Variants in MACF1 observed in about 807,000 individuals in gnomAD.
MACF1 encodes the protein microtubule actin crosslinking factor 1, also known as microtubule-actin cross-linking factor 1.
MACF1 carries 193 observed loss-of-function variants against 854.8 expected under a neutral mutation model. The observed-to-expected ratio is 0.23, with a 90% CI of 0.20 to 0.25. The LOEUF (loss-of-function observed/expected upper bound fraction) is 0.25. Among genes scored for constraint, MACF1 ranks in the 10% least tolerant of loss-of-function variants. The pLI is 1.00. For synonymous variants in MACF1, 3,185 were observed against 3,226.7 expected (o/e 0.99, Z 0.44); for missense variants, 7,722 against 8,929.1 (o/e 0.86, Z 5.45).
At chr1:39,314,405 G>A (rs1047965180) in intron 26 of MACF1, among the ~76,000 whole-genome samples, 2 of 151,016 alleles carry the variant, frequency 1.3e-5, no homozygotes, top group African/African-American at 4.9e-5. Flanking sequence ...GCGAAACTCT[G>A]TCTCAAGAAA....
chr1:39,417,713 ATTTTTTTTTTTTTTTTTTTT>A (rs56799242), intron 58 of MACF1, among the ~76,000 whole-genome samples: 15 of 55,834 alleles, frequency 2.7e-4, no homozygotes, highest in East Asian at 8.6e-4. Flanking sequence ...CACCCAGTTA[ATTTTTTTTTTTTTTTTTTTT>A]TTTTTTTTTT....
chr1:39,166,216 T>A (rs1296260372), intron 2 of MACF1, among the ~76,000 whole-genome samples: 2 of 151,106 alleles, frequency 1.3e-5, no homozygotes, highest in African/African-American at 4.9e-5. Flanking sequence ...TATAGGCGTG[T>A]GCCACCATGC....
Position 39,331,874 on chromosome 1 carries a change from T to C in MACF1, c.5286T>C (p.Thr1762=). 2 of 1,614,194 alleles carry C rather than the reference T, an allele frequency of 1.2e-6. No homozygotes were observed. The change falls in exon 37 of 101, where the codon ACT becomes ACC. Residue 1762 remains threonine, a synonymous_variant. Coordinates refer to ENST00000564288, the MANE Select transcript of MACF1 (RefSeq NM_001394062.1). ...VQEGLIDRQV[T]VRLLEAQLFA... ...AAGGGCTAATAGATAGGCAGGTCAC[T>C]GTCCGGTTGCTGGAAGCTCAGCTTT...
intron 41 of MACF1, among the ~76,000 whole-genome samples, 198 bp downstream of exon 41, chr1:39,347,408 T>G (rs573710740): frequency 6.6e-6 from 1 of 152,252 alleles, no homozygotes; most frequent in African/African-American, 2.4e-5. Flanking sequence ...TCTTTGGTTT[T>G]ATGTATGTGT....
At position 39,332,826 on chromosome 1, in the gene MACF1, G is replaced by A; in HGVS notation, c.6238G>A (p.Asp2080Asn). Residue 2080 changes from aspartate (D) to asparagine (N), a missense_variant, in exon 37 of 101, where the codon GAT becomes AAT. Asp to Asn is a conservative substitution (Grantham distance 23). Coordinates refer to ENST00000564288, the MANE Select transcript of MACF1 (RefSeq NM_001394062.1). ...EDSSVENPEQ[D>N]LFVEQKERNP... ...TTCTTCTGTAGAGAACCCTGAACAG[G>A]ATCTGTTTGTAGAACAAAAAGAGAG... 1.2e-6 allele frequency: 2 copies of A among 1,614,046 alleles called. No homozygotes were observed. The highest frequency in any genetic ancestry group is 1.1e-5 in the South Asian group (1 of 91,068).
chr1:39,105,368 G>T lies in MACF1; in HGVS notation c.220+20930G>T. On this transcript the variant is annotated intron_variant, in intron 2 of 93. Transcript: ENST00000361689. This position sits in a 1 kb window ranked among gnomAD's most constrained non-coding sequence, Gnocchi z 5.9. Reference sequence around the variant, plus strand: ...TGCAGCCGCGCCGGGGCGGGCTGAGGGAGGAGCGGAGCCGAGGGGTGAGGA... The same window carrying T: ...TGCAGCCGCGCCGGGGCGGGCTGAGTGAGGAGCGGAGCCGAGGGGTGAGGA... 3 of 979,256 alleles carry T rather than the reference G, an allele frequency of 3.1e-6. No individual in the cohort carries two copies. In the African/African-American group the frequency reaches 5.3e-5, roughly 17 times the overall value. 60.7% of individuals were successfully genotyped at this position (979,256 alleles called of 1,614,324 possible). A position where few individuals can be genotyped will look rare whatever the true frequency, so the allele number is the denominator to read the frequency against.
intron 70 of MACF1, 114 bp downstream of exon 70, chr1:39,435,875 TGATCGGTA>T (rs769930420): frequency 8.2e-6 from 7 of 850,546 alleles, no homozygotes. Flanking sequence ...TGTTAATACG[TGATCGGTA>T]GATAGAACAG....
chr1:39,439,569 G>C, intron 72 of MACF1, 69 bp downstream of exon 72: 1 of 1,278,958 alleles, frequency 7.8e-7, no homozygotes, highest in Non-Finnish European at 1.1e-6. Flanking sequence ...TCAAATCAAA[G>C]TGAGGTATGT....
intron 58 of MACF1, among the ~76,000 whole-genome samples, chr1:39,400,406 T>C (rs1230492364): frequency 2.0e-5 from 3 of 152,198 alleles, no homozygotes; most frequent in Non-Finnish European, 2.9e-5. Context: ...TATTTGGTGC[T>C]CAGCTCACTA....
At chr1:39,295,938 G>A (rs960318294) in intron 20 of MACF1, 56 bp downstream of exon 20, 13 of 1,474,202 alleles carry the variant, frequency 8.8e-6, no homozygotes, top group African/African-American at 2.8e-5. Flanking sequence ...TAAAGGTGAG[G>A]TTACAAACAC....
intron 44 of MACF1, among the ~76,000 whole-genome samples, chr1:39,353,835 T>C (rs1647297093): frequency 1.3e-5 from 2 of 152,208 alleles, no homozygotes; most frequent in African/African-American, 2.4e-5. Context: ...CTTATGGTAA[T>C]TATATTTCTT....
intron 1 of MACF1, among the ~76,000 whole-genome samples, chr1:39,212,827 G>A (rs1472151920): frequency 1.3e-5 from 2 of 152,218 alleles, no homozygotes; most frequent in Admixed American, 1.3e-4. Context: ...GTTTCGCCAT[G>A]TTGGCCAGGG....
intron 2 of MACF1, among the ~76,000 whole-genome samples, chr1:39,134,357 CT>C (rs540296214): frequency 6.5e-4 from 99 of 152,202 alleles, no homozygotes; most frequent in Admixed American, 2.6e-3. Context: ...GAAGAACAGT[CT>C]TAACAAGAAT....
chr1:39,283,631 A>C lies in MACF1; in HGVS notation c.915+116A>C. The stretch of plus-strand genomic sequence containing the variant: ...ACTCATGGTATCAAACTATATATCC[A>C]GTATCTTTATCATACATGGACATTA... On this transcript the variant is annotated intron_variant, in intron 9 of 100. Transcript: ENST00000564288. This position sits in a 1 kb window ranked among gnomAD's most constrained non-coding sequence, Gnocchi z 4.5. 1 of 719,076 alleles carries C rather than the reference A, an allele frequency of 1.4e-6. No individual in the cohort carries two copies. Among genetic ancestry groups the C allele is most frequent in the South Asian group, 1.7e-5 (1 of 57,276 alleles). 44.5% of individuals were successfully genotyped at this position (719,076 alleles called of 1,614,324 possible).
intron 1 of MACF1, among the ~76,000 whole-genome samples, chr1:39,227,120 C>T (rs995241339): frequency 6.6e-6 from 1 of 152,140 alleles, no homozygotes; most frequent in African/African-American, 2.4e-5. Context: ...ACAATGATAG[C>T]TTGCTGCAGC....
chr1:39,122,955 G>A (rs939932425), intron 2 of MACF1, among the ~76,000 whole-genome samples: 1 of 152,016 alleles, frequency 6.6e-6, no homozygotes, highest in Non-Finnish European at 1.5e-5. Context: ...AGAAAGGAGG[G>A]TGGGGTCTGG....
chr1:39,337,407 C>A, intron 38 of MACF1, 76 bp downstream of exon 38: 1 of 1,480,646 alleles, frequency 6.8e-7, no homozygotes, highest in Non-Finnish European at 9.2e-7. Flanking sequence ...GATTTCAAGA[C>A]TTACTAGAAC....
Position 39,334,055 on chromosome 1 carries a change from GGA to G in MACF1, c.7475_7476del (p.Glu2492GlyfsTer8). The G allele has an allele frequency of 1.9e-6, 3 of 1,614,126 alleles. No homozygotes were observed. Among genetic ancestry groups the G allele is most frequent in the Non-Finnish European group, 2.5e-6 (3 of 1,180,016 alleles). On this transcript the variant is annotated frameshift_variant, in exon 37 of 101. Transcript: ENST00000564288. LOFTEE classifies it high-confidence loss of function. ...VVQSIDRGLLEREEAVRLLTK... is the reference protein window; with the variant it reads ...VVQSIDRGLLXREEAVRLLTK... ...TGCAGTCCATTGACAGAGGTCTTTT[GGA>G]GAGAGAGGAGGCCGTTCGTTTGTTG...
At chr1:39,180,110 C>T (rs1367054836) in intron 2 of MACF1, among the ~76,000 whole-genome samples, 1 of 152,032 alleles carries the variant, frequency 6.6e-6, no homozygotes, top group Non-Finnish European at 1.5e-5. Context: ...CCATAATCTC[C>T]ATCACCCTCC....
Sources: gnomAD v4.1 joint callset for allele counts (sites outside exome capture counted in the v4.1 genomes callset) on GRCh38, gnomAD v4.1.1 for gene constraint, Gnocchi (gnomAD v3.1) non-coding constraint, MANE v1.5 for transcripts, NCBI Gene and HGNC (gene_info 2026-07-23, HGNC 2026-07-21) for gene names.